Variants in ROBO1 observed in about 807,000 individuals in gnomAD.
The protein encoded by ROBO1 is roundabout homolog 1.
ROBO1 carries 149 observed loss-of-function variants against 195.9 expected under a neutral mutation model. The observed-to-expected ratio is 0.76, with a 90% CI of 0.67 to 0.87. ROBO1 has a LOEUF of 0.87. ROBO1 is among the 40% of genes least tolerant of loss of function. The pLI is 0.00. For synonymous variants in ROBO1, 816 were observed against 733.2 expected (o/e 1.11, Z -1.82); for missense variants, 1,933 against 2,068.3 (o/e 0.93, Z 1.27).
In ROBO1 at chr3:79,698,878, T is replaced by C. The variant is rs554531123; in HGVS notation, c.-51+68874A>G. 2.6e-5 allele frequency among the ~76,000 whole-genome samples: 4 copies of C among 151,610 alleles called. No homozygotes were observed. In the East Asian group the frequency reaches 7.8e-4, roughly 30 times the overall value. ...AATCAAGAAATCCACTGAGGAGATG[T>C]TGAAAGTGCTGATAAGCTTTAAAAT... On this transcript the variant is annotated intron_variant, in intron 1 of 30. Transcript: ENST00000464233.
chr3:79,162,035 T>A (rs2080976584), intron 2 of ROBO1, among the ~76,000 whole-genome samples: 1 of 152,142 alleles, frequency 6.6e-6, no homozygotes, highest in South Asian at 2.1e-4. Flanking sequence ...CTTTCCTTCC[T>A]CCTCTCAAGT....
intron 1 of ROBO1, among the ~76,000 whole-genome samples, chr3:79,718,334 A>G (rs562140317): frequency 2.4e-4 from 36 of 152,170 alleles, no homozygotes; most frequent in Admixed American, 7.2e-4. Flanking sequence ...TTAAGCATTG[A>G]GAAATAATAT....
At chr3:79,551,622 G>C (rs9862459) in intron 2 of ROBO1, among the ~76,000 whole-genome samples, 1 of 151,672 alleles carries the variant, frequency 6.6e-6, no homozygotes, top group African/African-American at 2.4e-5. Flanking sequence ...TAATCTAGGC[G>C]AAGAGAAAGC....
intron 3 of ROBO1, among the ~76,000 whole-genome samples, chr3:79,064,675 G>T (rs774812518): frequency 6.6e-5 from 10 of 151,836 alleles, no homozygotes; most frequent in Non-Finnish European, 1.5e-4. Flanking sequence ...ATTTTTAAAA[G>T]AAATCAAATT....
intron 22 of ROBO1, 81 bp downstream of exon 22, chr3:78,639,663 T>G (rs1463083876): frequency 5.3e-6 from 7 of 1,325,812 alleles, no homozygotes; most frequent in Non-Finnish European, 2.1e-6. Context: ...ATCTTTCCCA[T>G]GTAGGGAGAG....
chr3:79,403,158 A>C (rs750630126), intron 2 of ROBO1, among the ~76,000 whole-genome samples: 1 of 152,008 alleles, frequency 6.6e-6, no homozygotes, highest in Non-Finnish European at 1.5e-5. Context: ...CAGGCAAGAA[A>C]AAATGCTGTA....
chr3:79,673,861 C>T (rs1481553333), intron 1 of ROBO1, among the ~76,000 whole-genome samples: 1 of 151,932 alleles, frequency 6.6e-6, no homozygotes, highest in African/African-American at 2.4e-5. Flanking sequence ...GGCTTAACAC[C>T]AGTGAGTGGA....
chr3:79,445,722 C>T (rs1351513884), intron 2 of ROBO1, among the ~76,000 whole-genome samples: 5 of 148,498 alleles, frequency 3.4e-5, no homozygotes, highest in African/African-American at 1.0e-4. Flanking sequence ...AGTGCAGTGG[C>T]GCGATATCGG....
chr3:78,608,329 C>T (rs888986124), intron 28 of ROBO1, among the ~76,000 whole-genome samples: 1 of 152,024 alleles, frequency 6.6e-6, no homozygotes, highest in Non-Finnish European at 1.5e-5. Flanking sequence ...TGGTCTCGAA[C>T]TCCTATGCTC....
intron 4 of ROBO1, among the ~76,000 whole-genome samples, chr3:78,764,936 AT>A (rs937776130): frequency 6.6e-6 from 1 of 152,116 alleles, no homozygotes; most frequent in African/African-American, 2.4e-5. Context: ...GGTTTGTGTG[AT>A]TTTTTTAAGT....
chr3:78,665,982 G>A (rs1303435517), intron 14 of ROBO1, among the ~76,000 whole-genome samples: 1 of 151,890 alleles, frequency 6.6e-6, no homozygotes, highest in Non-Finnish European at 1.5e-5. Context: ...CATGTGTCAC[G>A]GGAGGGTCTC....
At chr3:79,752,403 G>A (rs770443685) in intron 1 of ROBO1, among the ~76,000 whole-genome samples, 4 of 152,162 alleles carry the variant, frequency 2.6e-5, no homozygotes, top group Admixed American at 1.3e-4. Context: ...TCTGGGTGCC[G>A]GCAATCTATT....
intron 3 of ROBO1, among the ~76,000 whole-genome samples, chr3:79,055,913 T>G (rs188002679): frequency 6.6e-6 from 1 of 152,196 alleles, no homozygotes; most frequent in East Asian, 1.9e-4. Context: ...AATTAGTTTC[T>G]GAACAGTTAC....
At chr3:78,767,086 G>A (rs7627461) in intron 4 of ROBO1, among the ~76,000 whole-genome samples, 36,705 of 151,656 alleles carry the variant, frequency 0.24, 4,647 homozygotes, top group East Asian at 0.49. Flanking sequence ...TTCCTTTTTT[G>A]GTAATATCCT....
At chr3:79,705,056 C>T (rs918546455) in intron 1 of ROBO1, among the ~76,000 whole-genome samples, 3 of 151,884 alleles carry the variant, frequency 2.0e-5, no homozygotes, top group African/African-American at 7.2e-5. Context: ...TTGAGTTTTA[C>T]AAGTTCTTTA....
At chr3:78,882,394 T>A (rs1327448671) in intron 4 of ROBO1, among the ~76,000 whole-genome samples, 1 of 152,178 alleles carries the variant, frequency 6.6e-6, no homozygotes, top group Non-Finnish European at 1.5e-5. Context: ...CATGTGAACC[T>A]CCTGCACTTT....
At chr3:79,428,887 T>G (rs184123553) in intron 2 of ROBO1, among the ~76,000 whole-genome samples, 1 of 152,102 alleles carries the variant, frequency 6.6e-6, no homozygotes. Context: ...AGCTACTGAT[T>G]GAAAAATGTA....
chr3:79,703,559 C>T (rs1947680547), intron 1 of ROBO1, among the ~76,000 whole-genome samples: 1 of 151,750 alleles, frequency 6.6e-6, no homozygotes, highest in Admixed American at 6.6e-5. Context: ...TTGAACAATT[C>T]ATTACAATAA....
intron 2 of ROBO1, among the ~76,000 whole-genome samples, chr3:79,523,472 C>CTTTTTTTTTTTTTTTTTTTTTTT (rs11357932): frequency 1.0e-5 from 1 of 100,438 alleles, no homozygotes. Context: ...TTTTTTTTTT[C>CTTTTTTTTTTTTTTTTTTTTTTT]TTTTTTTTTT....
Sources: gnomAD v4.1 joint callset for allele counts (sites outside exome capture counted in the v4.1 genomes callset) on GRCh38, gnomAD v4.1.1 for gene constraint, MANE v1.5 for transcripts, NCBI Gene and HGNC (gene_info 2026-07-23, HGNC 2026-07-21) for gene names.